Variants in PLEKHA5 observed in about 807,000 individuals in gnomAD.
PLEKHA5 encodes pleckstrin homology domain-containing family A member 5.
A neutral mutation model predicts 181.9 loss-of-function variants in PLEKHA5; 55 were observed. The ratio of observed to expected loss-of-function variants is 0.30; its 90% CI spans 0.24 to 0.38. PLEKHA5 has a LOEUF of 0.38. Among genes scored for constraint, PLEKHA5 ranks in the 10% least tolerant of loss-of-function variants. The pLI is 1.00. For missense variants in PLEKHA5, 1,432 were observed against 1,549.5 expected (o/e 0.92, Z 1.27); for synonymous variants, 535 against 529.4 (o/e 1.01, Z -0.15).
intron 3 of PLEKHA5, among the ~76,000 whole-genome samples, chr12:19,135,996 C>T (rs2035541024): frequency 6.6e-6 from 1 of 151,442 alleles, no homozygotes; most frequent in African/African-American, 2.4e-5. Flanking sequence ...CCTCCCACCT[C>T]AGCCTTACGA....
At chr12:19,176,614 G>T (rs530979222) in intron 3 of PLEKHA5, 1 of 152,132 alleles carries the variant, frequency 6.6e-6, no homozygotes, top group African/African-American at 2.4e-5. Context: ...ACAGAGATTA[G>T]CAAGTGTTGT....
intron 15 of PLEKHA5, among the ~76,000 whole-genome samples, chr12:19,308,292 T>C (rs189900997): frequency 2.1e-3 from 323 of 152,266 alleles, no homozygotes; most frequent in Middle Eastern, 3.4e-3. Flanking sequence ...GTGTCATTGC[T>C]TTGTGTGATT....
chr12:19,167,877 A>T (rs113610147), intron 3 of PLEKHA5, among the ~76,000 whole-genome samples: 2 of 152,182 alleles, frequency 1.3e-5, no homozygotes, highest in African/African-American at 4.8e-5. Flanking sequence ...GGGTGGCTGG[A>T]GGTTTTCATA....
intron 7 of PLEKHA5, among the ~76,000 whole-genome samples, chr12:19,261,706 T>G (rs1428095961): frequency 2.6e-5 from 4 of 152,196 alleles, no homozygotes; most frequent in Admixed American, 2.0e-4. Context: ...CTTTAAACTT[T>G]GGATAATGAA....
Position 19,283,402 on chromosome 12 carries a change from G to A in PLEKHA5, c.1436G>A (p.Cys479Tyr). 1 of 1,613,966 alleles carries A rather than the reference G, an allele frequency of 6.2e-7. No individual in the cohort carries two copies. Among genetic ancestry groups the A allele is most frequent in the Non-Finnish European group, 8.5e-7 (1 of 1,179,946 alleles). ...RNSKTRPESI[C>Y]SVTPSTHDKT... is the part of the protein sequence containing the mutation. Reference sequence around the variant, plus strand: ...AGCAAGACAAGGCCTGAAAGTATCTGCAGTGTAACCCCTTCCACTCATGAC... The same window carrying A: ...AGCAAGACAAGGCCTGAAAGTATCTACAGTGTAACCCCTTCCACTCATGAC... Residue 479 changes from cysteine (C) to tyrosine (Y), a missense_variant, in exon 12 of 32, where the codon TGC becomes TAC. Physicochemically the swap from Cys to Tyr is radical, Grantham distance 194. Transcript: ENST00000429027.
chr12:19,208,279 G>T (rs1056843740), intron 3 of PLEKHA5, among the ~76,000 whole-genome samples: 2 of 152,020 alleles, frequency 1.3e-5, no homozygotes, highest in African/African-American at 4.8e-5. Flanking sequence ...ATGGTGGAAG[G>T]CGCCTATAAT....
intron 3 of PLEKHA5, among the ~76,000 whole-genome samples, chr12:19,220,244 A>G (rs2058729000): frequency 1.3e-5 from 2 of 151,220 alleles, no homozygotes; most frequent in South Asian, 4.2e-4. Context: ...TTCATCAATC[A>G]TATGTGTTCA....
At chr12:19,211,468 C>T (rs1043409226) in intron 3 of PLEKHA5, among the ~76,000 whole-genome samples, 7 of 152,048 alleles carry the variant, frequency 4.6e-5, no homozygotes, top group African/African-American at 1.7e-4. Context: ...GATGGGACCA[C>T]AAGCCAAGGC....
At chr12:19,135,295 G>A (rs2035283750) in intron 3 of PLEKHA5, among the ~76,000 whole-genome samples, 1 of 152,134 alleles carries the variant, frequency 6.6e-6, no homozygotes, top group Admixed American at 6.6e-5. Context: ...GGAGAGGATT[G>A]TAGTGGGGAA....
chr12:19,295,087 T>C (rs907227758), intron 15 of PLEKHA5, among the ~76,000 whole-genome samples: 1 of 152,220 alleles, frequency 6.6e-6, no homozygotes, highest in African/African-American at 2.4e-5. Flanking sequence ...TTTTTGTGAA[T>C]TTTAAGATAG....
In PLEKHA5 at chr12:19,158,886, A is replaced by G. The variant is rs150300071; in HGVS notation, c.227+26436A>G. The stretch of plus-strand genomic sequence containing the variant: ...TTCTTTGTATATGTATACTTTAAGT[A>G]TACATATTTTGTATATGTATATTTT... On this transcript the variant is annotated intron_variant, in intron 3 of 31. Coordinates refer to ENST00000429027, the MANE Select transcript of PLEKHA5 (RefSeq NM_001256470.2). Among the ~76,000 whole-genome samples, 1,079 of 152,290 alleles carry G rather than the reference A, an allele frequency of 7.1e-3. 1 individual carries two copies. The highest frequency in any genetic ancestry group is 0.011 in the Non-Finnish European group (736 of 68,028).
intron 26 of PLEKHA5, among the ~76,000 whole-genome samples, chr12:19,354,893 G>C (rs754700895): frequency 6.6e-6 from 1 of 152,144 alleles, no homozygotes; most frequent in African/African-American, 2.4e-5. Flanking sequence ...TCCACAATTT[G>C]TAGAATCTAT....
At chr12:19,297,945 C>T (rs988982943) in intron 15 of PLEKHA5, among the ~76,000 whole-genome samples, 1 of 151,956 alleles carries the variant, frequency 6.6e-6, no homozygotes, top group African/African-American at 2.4e-5. Context: ...GTGGCTCACG[C>T]CTGTAATCCC....
At chr12:19,365,365 CAAA>C (rs71064098) in intron 29 of PLEKHA5, among the ~76,000 whole-genome samples, 2 of 84,050 alleles carry the variant, frequency 2.4e-5, no homozygotes, top group Non-Finnish European at 2.5e-5. Context: ...GACTCCGTCT[CAAA>C]AAAAAAAAAA....
chr12:19,154,819 T>G (rs1490424295), intron 3 of PLEKHA5, among the ~76,000 whole-genome samples: 1 of 152,208 alleles, frequency 6.6e-6, no homozygotes, highest in Non-Finnish European at 1.5e-5. Context: ...CTGAGTGCCT[T>G]CTAATTACAG....
intron 23 of PLEKHA5, among the ~76,000 whole-genome samples, 163 bp from the exon 24 acceptor site, chr12:19,346,831 A>G (rs551864081): frequency 6.6e-6 from 1 of 152,306 alleles, no homozygotes; most frequent in East Asian, 1.9e-4. Flanking sequence ...ATTGGCTATG[A>G]TAAAAAATTT....
chr12:19,297,232 CTTT>C (rs919174401), intron 15 of PLEKHA5, among the ~76,000 whole-genome samples: 5 of 151,942 alleles, frequency 3.3e-5, no homozygotes, highest in African/African-American at 1.2e-4. Flanking sequence ...CCAGCCTCTT[CTTT>C]TAACATCAGA....
At chr12:19,341,977 C>T (rs930634943) in intron 21 of PLEKHA5, among the ~76,000 whole-genome samples, 2 of 152,166 alleles carry the variant, frequency 1.3e-5, no homozygotes, top group African/African-American at 4.8e-5. Flanking sequence ...AAGCAATCCA[C>T]CCACTTCAGC....
intron 6 of PLEKHA5, among the ~76,000 whole-genome samples, chr12:19,258,933 A>G (rs1481239984): frequency 6.6e-6 from 1 of 152,066 alleles, no homozygotes; most frequent in African/African-American, 2.4e-5. Context: ...ATTATGATCC[A>G]CTATTTCAGT....
Sources: gnomAD v4.1 joint callset for allele counts (sites outside exome capture counted in the v4.1 genomes callset) on GRCh38, gnomAD v4.1.1 for gene constraint, MANE v1.5 for transcripts, NCBI Gene and HGNC (gene_info 2026-07-23, HGNC 2026-07-21) for gene names.